CSRNP2: variants seen among roughly 807,000 people sequenced by gnomAD.
CSRNP2 encodes cysteine/serine-rich nuclear protein 2.
Under a neutral mutation model 36.6 loss-of-function variants are expected in CSRNP2, and 11 were observed. That is an observed-to-expected ratio of 0.30 (90% CI 0.19 to 0.50). The LOEUF (loss-of-function observed/expected upper bound fraction) is 0.50, where lower values mean the gene tolerates loss of function less well. Among genes scored for constraint, CSRNP2 ranks in the 20% least tolerant of loss-of-function variants. CSRNP2 has a pLI of 0.98. For synonymous variants in CSRNP2, 248 were observed against 275.3 expected, an observed-to-expected ratio of 0.90 and a Z score of 0.98; for missense variants, 483 against 691.4, an observed-to-expected ratio of 0.70 and a Z score of 3.38.
At chr12:51,069,683 TTTTTTTTTC>T (rs553635814) in intron 3 of CSRNP2, among the ~76,000 whole-genome samples, 287 of 149,616 alleles carry the variant, frequency 1.9e-3, no homozygotes, top group Non-Finnish European at 3.3e-3. Context: ...AATCTGGGTT[TTTTTTTTTC>T]TTTTTTTTCT....
rs747823551 is a variant in CSRNP2 at position 51,073,954 on chromosome 12, CCA to C, written c.278_279del (p.Leu93ArgfsTer7). The C allele has an allele frequency of 1.2e-6, 2 of 1,614,066 alleles. No individual in the cohort carries two copies. ...ACAGAGTTATGGCGCTGGGCCATGC[CCA>C]GAGAGCTACCACCCTGGCTGGGCAC... ...TSVPSQGGSSLGMAQRHNSVR... is the reference protein window; with the variant it reads ...TSVPSQGGSSXGMAQRHNSVR... On this transcript the variant is annotated frameshift_variant, in exon 3 of 5. Coordinates refer to ENST00000228515, the MANE Select transcript of CSRNP2 (RefSeq NM_030809.3). LOFTEE classifies it high-confidence loss of function.
rs1937696944 is a variant in CSRNP2 at position 51,062,704 on chromosome 12, A to G, written c.*1042T>C. On this transcript the variant is annotated 3_prime_UTR_variant, in exon 5 of 5. Transcript: ENST00000228515. ...CTAACCCGCTATGTTGAAAACGACCATGAGGGTAGATCCAGGAAAAAAGAA... is the reference window on the plus strand; with the variant it reads ...CTAACCCGCTATGTTGAAAACGACCGTGAGGGTAGATCCAGGAAAAAAGAA... 1 of 152,228 alleles carries G rather than the reference A, an allele frequency of 6.6e-6. No individual in the cohort carries two copies. The highest frequency in any genetic ancestry group is 6.5e-5 in the Admixed American group (1 of 15,280). The allele number at this position is 152,228 out of a possible 1,614,324, so 9.4% of individuals were successfully genotyped here.
chr12:51,069,680 G>T (rs981594488), intron 3 of CSRNP2, among the ~76,000 whole-genome samples: 1 of 141,742 alleles, frequency 7.1e-6, no homozygotes, highest in Non-Finnish European at 1.5e-5. Context: ...AGAAATCTGG[G>T]TTTTTTTTTT....
Position 51,064,065 on chromosome 12 carries a change from T to C in CSRNP2, c.1313A>G (p.Glu438Gly), listed in dbSNP as rs534645873. 3 of 1,614,196 alleles carry C rather than the reference T, an allele frequency of 1.9e-6. No homozygotes were observed. In the African/African-American group the frequency reaches 4.0e-5, roughly 22 times the overall value. The change falls in exon 5 of 5, where the codon GAA (glutamate) becomes GGA (glycine). Residue 438 changes from glutamate (E) to glycine (G), a missense_variant. By Grantham distance (98) the Glu-to-Gly change is moderately conservative (BLOSUM62 -2). Coordinates refer to ENST00000228515, the MANE Select transcript of CSRNP2 (RefSeq NM_030809.3). Reference sequence around the variant, plus strand: ...CTCCTTTGGGAAAGAGGCTGAGCCTTCTTCCGTACCAGGCTCTCCTTTCAC... The same window carrying C: ...CTCCTTTGGGAAAGAGGCTGAGCCTCCTTCCGTACCAGGCTCTCCTTTCAC... ...LGVKGEPGTE[E>G]GSASFPKEKD...
chr12:51,064,759 G>C, intron 4 of CSRNP2, 90 bp from the exon 5 acceptor site: 1 of 1,178,138 alleles, frequency 8.5e-7, no homozygotes, highest in Non-Finnish European at 1.2e-6. Context: ...AGGCAGTTGG[G>C]ATTTGAGGTC....
At chr12:51,082,976 C>T (rs1448751765) in intron 1 of CSRNP2, 1 of 152,812 alleles carries the variant, frequency 6.5e-6, no homozygotes, top group Non-Finnish European at 1.5e-5. Context: ...CCCACATTTT[C>T]CTCTGTTCCC....
intron 1 of CSRNP2, chr12:51,082,383 G>T (rs1939677930): frequency 6.6e-6 from 1 of 152,162 alleles, no homozygotes; most frequent in South Asian, 2.1e-4. Flanking sequence ...ACAGATCTTT[G>T]TGGGAACTGG....
At chr12:51,068,604 C>A (rs1159956266) in intron 3 of CSRNP2, among the ~76,000 whole-genome samples, 1 of 152,142 alleles carries the variant, frequency 6.6e-6, no homozygotes, top group Non-Finnish European at 1.5e-5. Context: ...CCCTCCTACA[C>A]GAAAATCTAT....
chr12:51,069,484 A>C (rs1160008156), intron 3 of CSRNP2, among the ~76,000 whole-genome samples: 4 of 149,248 alleles, frequency 2.7e-5, no homozygotes, highest in African/African-American at 1.0e-4. Flanking sequence ...ACAGGGTTTC[A>C]CAATGTTGCC....
chr12:51,061,855 T>TTTTC lies in CSRNP2; in HGVS notation c.*1887_*1890dup. Reference sequence around the variant, plus strand: ...CCGACACAAACTTTGAAAAAGATTCTTTTCTCCATAAAGCCAAATTCCCAA... The same window carrying TTTTC: ...CCGACACAAACTTTGAAAAAGATTCTTTTCTTTCTCCATAAAGCCAAATTCCCAA... On this transcript the variant is annotated 3_prime_UTR_variant, in exon 5 of 5. Transcript: ENST00000228515. The TTTTC allele has an allele frequency of 6.6e-6, 1 of 152,174 alleles. No individual in the cohort carries two copies. Among genetic ancestry groups the TTTTC allele is most frequent in the Non-Finnish European group, 1.5e-5 (1 of 68,050 alleles). The allele number at this position is 152,174 out of a possible 1,614,324, so 9.4% of individuals were successfully genotyped here.
intron 3 of CSRNP2, 49 bp from the exon 4 acceptor site, chr12:51,068,018 C>A (rs1014344000): frequency 6.4e-7 from 1 of 1,553,156 alleles, no homozygotes; most frequent in Non-Finnish European, 8.8e-7. Context: ...GCGGCATGCA[C>A]CTCCTCAGTG....
intron 4 of CSRNP2, among the ~76,000 whole-genome samples, chr12:51,065,611 C>A (rs1938109177): frequency 6.6e-6 from 1 of 151,882 alleles, no homozygotes; most frequent in South Asian, 2.1e-4. Context: ...GTGTGAGCCA[C>A]CGCGCCCGGC....
chr12:51,073,161 A>G (rs1049009417), intron 3 of CSRNP2, among the ~76,000 whole-genome samples: 1 of 151,928 alleles, frequency 6.6e-6, no homozygotes, highest in Admixed American at 6.6e-5. Context: ...CAAGGCTGCA[A>G]TGAGCTGTGA....
At position 51,061,350 on chromosome 12, in the gene CSRNP2, A is replaced by AGTAT. The variant is rs1419987771; in HGVS notation, c.*2392_*2395dup. 2 of 152,674 alleles carry AGTAT rather than the reference A, an allele frequency of 1.3e-5. No homozygotes were observed. The highest frequency in any genetic ancestry group is 4.8e-5 in the African/African-American group (2 of 41,468). 9.5% of individuals were successfully genotyped at this position (152,674 alleles called of 1,614,324 possible). A position where few individuals can be genotyped will look rare whatever the true frequency, so the allele number is the denominator to read the frequency against. On this transcript the variant is annotated 3_prime_UTR_variant, in exon 5 of 5. Coordinates refer to ENST00000228515, the MANE Select transcript of CSRNP2 (RefSeq NM_030809.3). Reference sequence around the variant, plus strand: ...CACATTGAAAATACTACCTGTGTACAGTATGTGAGAAAGGAAATTGGAAAA... The same window carrying AGTAT: ...CACATTGAAAATACTACCTGTGTACAGTATGTATGTGAGAAAGGAAATTGGAAAA...
chr12:51,080,554 G>GT (rs755448820), intron 1 of CSRNP2, among the ~76,000 whole-genome samples: 1 of 152,160 alleles, frequency 6.6e-6, no homozygotes, highest in Non-Finnish European at 1.5e-5. Flanking sequence ...TAGGAGAAAA[G>GT]TATTTTCCTT....
At chr12:51,074,365 C>T (rs1442716167) in intron 2 of CSRNP2, among the ~76,000 whole-genome samples, 1 of 152,142 alleles carries the variant, frequency 6.6e-6, no homozygotes, top group Non-Finnish European at 1.5e-5. Flanking sequence ...GATCCGCCCG[C>T]CCCGGCCTCC....
intron 3 of CSRNP2, among the ~76,000 whole-genome samples, chr12:51,073,208 G>A (rs1056759948): frequency 6.6e-6 from 1 of 151,270 alleles, no homozygotes; most frequent in African/African-American, 2.4e-5. Context: ...GACAGAGAGA[G>A]ACCCTGTCTC....
At chr12:51,070,337 T>C (rs1939014879) in intron 3 of CSRNP2, among the ~76,000 whole-genome samples, 1 of 152,210 alleles carries the variant, frequency 6.6e-6, no homozygotes, top group Non-Finnish European at 1.5e-5. Flanking sequence ...GTGGGGCTTC[T>C]GGAGGTTTCC....
chr12:51,079,606 CCA>C (rs1491318677), intron 1 of CSRNP2, among the ~76,000 whole-genome samples: 25 of 62,942 alleles, frequency 4.0e-4, no homozygotes, highest in African/African-American at 1.2e-3. Context: ...CACTAAAAAT[CCA>C]AAAAAAAAAA....
Sources: gnomAD v4.1 joint callset for allele counts (sites outside exome capture counted in the v4.1 genomes callset) on GRCh38, gnomAD v4.1.1 for gene constraint, MANE v1.5 for transcripts, NCBI Gene and HGNC (gene_info 2026-07-23, HGNC 2026-07-21) for gene names.